PTPRM: variants seen among roughly 807,000 people sequenced by gnomAD.
PTPRM encodes the protein receptor-type tyrosine-protein phosphatase mu.
In PTPRM, 47 loss-of-function variants were observed where a neutral mutation model predicts 186.7. That is an observed-to-expected ratio of 0.25 (90% CI 0.20 to 0.32). The LOEUF is 0.32. PTPRM is among the 10% of genes least tolerant of loss of function. The pLI, the probability that PTPRM is intolerant of heterozygous loss-of-function variation, is 1.00. For synonymous variants in PTPRM, 668 were observed against 674.9 expected (o/e 0.99, Z 0.16); for missense variants, 1,494 against 1,865.0 (o/e 0.80, Z 3.66).
At chr18:7,959,712 C>T (rs78484444) in intron 7 of PTPRM, among the ~76,000 whole-genome samples, 2,138 of 152,316 alleles carry the variant, frequency 0.014, 61 homozygotes, top group African/African-American at 0.05. Flanking sequence ...TTTGGGGCAG[C>T]AACACCTGCC....
chr18:8,233,563 A>G (rs1568569340), intron 14 of PTPRM, among the ~76,000 whole-genome samples: 1 of 152,142 alleles, frequency 6.6e-6, no homozygotes, highest in Non-Finnish European at 1.5e-5. Flanking sequence ...ATACCAGTTC[A>G]TTACCAGGTA....
chr18:8,393,058 C>T (rs1256543888), intron 31 of PTPRM, among the ~76,000 whole-genome samples: 6 of 152,114 alleles, frequency 3.9e-5, no homozygotes, highest in South Asian at 4.1e-4. Context: ...AATCAGTGGG[C>T]GAGAAACAAA....
At chr18:7,605,348 T>G (rs2037504438) in intron 1 of PTPRM, among the ~76,000 whole-genome samples, 1 of 152,196 alleles carries the variant, frequency 6.6e-6, no homozygotes, top group Non-Finnish European at 1.5e-5. Context: ...TATATAAAAT[T>G]TTGATGATAA....
At chr18:8,096,297 T>A (rs1204129891) in intron 11 of PTPRM, among the ~76,000 whole-genome samples, 1 of 152,212 alleles carries the variant, frequency 6.6e-6, no homozygotes, top group East Asian at 1.9e-4. Context: ...AACCCATGCC[T>A]GTCCCTGAAA....
chr18:8,133,261 C>T (rs2083853620), intron 13 of PTPRM, among the ~76,000 whole-genome samples: 1 of 152,154 alleles, frequency 6.6e-6, no homozygotes, highest in Admixed American at 6.6e-5. Flanking sequence ...ATTCAAACCA[C>T]AGTAGACTCT....
At chr18:8,090,364 C>T (rs1432452076) in intron 11 of PTPRM, among the ~76,000 whole-genome samples, 1 of 152,180 alleles carries the variant, frequency 6.6e-6, no homozygotes, top group Non-Finnish European at 1.5e-5. Flanking sequence ...CAATATTTTA[C>T]TGCAAAGCAT....
chr18:8,216,479 G>A (rs1173310197), intron 14 of PTPRM, among the ~76,000 whole-genome samples: 1 of 152,164 alleles, frequency 6.6e-6, no homozygotes, highest in East Asian at 1.9e-4. Context: ...CATCCTGTAA[G>A]GCGAAGAAAA....
At chr18:8,063,838 T>G (rs533914539) in intron 7 of PTPRM, among the ~76,000 whole-genome samples, 2 of 152,220 alleles carry the variant, frequency 1.3e-5, no homozygotes, top group Non-Finnish European at 2.9e-5. Flanking sequence ...GGGTCCAGTA[T>G]GTATTCTTTT....
At chr18:7,718,155 G>A (rs1356395577) in intron 1 of PTPRM, among the ~76,000 whole-genome samples, 1 of 152,112 alleles carries the variant, frequency 6.6e-6, no homozygotes, top group Non-Finnish European at 1.5e-5. Flanking sequence ...ACATTACCAT[G>A]CTTCAAATTA....
intron 4 of PTPRM, among the ~76,000 whole-genome samples, chr18:7,919,700 A>C (rs943425378): frequency 4.6e-5 from 7 of 152,118 alleles, no homozygotes; most frequent in African/African-American, 1.7e-4. Flanking sequence ...CATTTGGGTG[A>C]AATGTTCTAT....
chr18:8,361,749 A>G (rs1270592694), intron 23 of PTPRM, among the ~76,000 whole-genome samples: 1 of 152,208 alleles, frequency 6.6e-6, no homozygotes, highest in Non-Finnish European at 1.5e-5. Flanking sequence ...GACTTGCACA[A>G]GATCACAGAG....
intron 14 of PTPRM, among the ~76,000 whole-genome samples, chr18:8,183,751 A>G (rs1272028731): frequency 6.6e-6 from 1 of 152,194 alleles, no homozygotes; most frequent in Non-Finnish European, 1.5e-5. Context: ...TGAAGCTGTC[A>G]GTTTTGGGGA....
chr18:7,937,775 T>A (rs962999200), intron 5 of PTPRM, among the ~76,000 whole-genome samples: 1 of 152,172 alleles, frequency 6.6e-6, no homozygotes, highest in African/African-American at 2.4e-5. Flanking sequence ...TAGTTATAAT[T>A]ATTGTTGTCA....
At chr18:8,171,305 C>T (rs1171757140) in intron 14 of PTPRM, among the ~76,000 whole-genome samples, 1 of 152,174 alleles carries the variant, frequency 6.6e-6, no homozygotes, top group Non-Finnish European at 1.5e-5. Context: ...AGCAAATGGG[C>T]TGTGTGGCAT....
At chr18:7,632,445 T>A (rs2038214745) in intron 1 of PTPRM, among the ~76,000 whole-genome samples, 1 of 152,224 alleles carries the variant, frequency 6.6e-6, no homozygotes, top group Non-Finnish European at 1.5e-5. Context: ...CTCTTTTTGC[T>A]TCATTGCTAA....
chr18:8,371,115 T>C (rs2095660334), intron 24 of PTPRM, 109 bp downstream of exon 24: 2 of 592,244 alleles, frequency 3.4e-6, no homozygotes, highest in Non-Finnish European at 5.8e-6. Context: ...TCAATGCAGG[T>C]AGGCTCTATC....
chr18:7,659,720 C>T (rs1281236590), intron 1 of PTPRM, among the ~76,000 whole-genome samples: 2 of 152,154 alleles, frequency 1.3e-5, no homozygotes, highest in African/African-American at 4.8e-5. Flanking sequence ...TTTTTATATT[C>T]GTGACACATG....
At chr18:8,288,143 C>G (rs1399335023) in intron 19 of PTPRM, among the ~76,000 whole-genome samples, 1 of 152,220 alleles carries the variant, frequency 6.6e-6, no homozygotes, top group African/African-American at 2.4e-5. Flanking sequence ...GGACACCATC[C>G]TCATTCCATA....
At chr18:7,839,968 C>T (rs2046240262) in intron 2 of PTPRM, among the ~76,000 whole-genome samples, 1 of 151,744 alleles carries the variant, frequency 6.6e-6, no homozygotes, top group South Asian at 2.1e-4. Context: ...TGTAACAAGG[C>T]AGCACTGAGT....
Sources: gnomAD v4.1 joint callset for allele counts (sites outside exome capture counted in the v4.1 genomes callset) on GRCh38, gnomAD v4.1.1 for gene constraint, MANE v1.5 for transcripts, NCBI Gene and HGNC (gene_info 2026-07-23, HGNC 2026-07-21) for gene names.